Variants in PHTF1 observed in about 807,000 individuals in gnomAD.
PHTF1 encodes putative homeodomain transcription factor 1.
A neutral mutation model predicts 102.4 loss-of-function variants in PHTF1; 88 were observed. That is an observed-to-expected ratio of 0.86 (90% CI 0.72 to 1.03). The LOEUF (loss-of-function observed/expected upper bound fraction) is 1.03, where lower values mean the gene tolerates loss of function less well. Ranked by LOEUF, PHTF1 falls within the 50% of genes least tolerant of loss-of-function variation. The probability of loss-of-function intolerance (pLI) is 0.00; values close to 1 mark genes in which losing one functional copy is unlikely to be tolerated. For missense variants in PHTF1, 814 were observed against 909.5 expected, an observed-to-expected ratio of 0.89 and a Z score of 1.35; for synonymous variants, 289 against 305.2, an observed-to-expected ratio of 0.95 and a Z score of 0.55.
chr1:113,711,862 T>C (rs1408916553), intron 9 of PHTF1, 27 bp from the exon 10 acceptor site: 23 of 1,606,700 alleles, frequency 1.4e-5, no homozygotes, highest in African/African-American at 2.7e-5. Flanking sequence ...CAACAAGCAA[T>C]AGGAAAATAT....
chr1:113,725,332 A>T (rs981227913), intron 6 of PHTF1: 1 of 152,438 alleles, frequency 6.6e-6, no homozygotes, highest in Non-Finnish European at 1.5e-5. Context: ...TATACTATAG[A>T]TATCAATAAG....
At chr1:113,759,496 G>C (rs1659407009), upstream of PHTF1, 5 of 152,408 alleles carry the variant, frequency 3.3e-5, no homozygotes, top group South Asian at 1.0e-3. Flanking sequence ...TGAGATCTGG[G>C]CTAGAGCCGC....
Position 113,704,803 on chromosome 1 carries a change from A to G in PHTF1, c.1672-6T>C. On this transcript the variant is annotated splice_polypyrimidine_tract_variant and splice_region_variant and intron_variant, in intron 13 of 18. Coordinates refer to ENST00000369604, the MANE Select transcript of PHTF1 (RefSeq NM_001323043.2). ...AGTTTTGCAAATAAAAATCTCTAGA[A>G]GAGATTTAAAAAAAATCACAGTGAA... The G allele has an allele frequency of 6.4e-7, 1 of 1,568,156 alleles. No homozygotes were observed. The highest frequency in any genetic ancestry group is 8.7e-7 in the Non-Finnish European group (1 of 1,149,296).
upstream of PHTF1, among the ~76,000 whole-genome samples, chr1:113,759,833 G>T (rs189329660): frequency 6.0e-4 from 92 of 152,354 alleles, no homozygotes; most frequent in Non-Finnish European, 1.6e-4. Flanking sequence ...TGGGCTGTGG[G>T]CTCCATGAGG....
intron 11 of PHTF1, 113 bp from the exon 12 acceptor site, chr1:113,706,835 G>A: frequency 1.8e-6 from 1 of 554,238 alleles, no homozygotes; most frequent in Non-Finnish European, 3.1e-6. Context: ...CTATAATGCT[G>A]GTCCTTTCTT....
At chr1:113,723,251 C>T (rs929013849) in intron 7 of PHTF1, among the ~76,000 whole-genome samples, 1 of 150,930 alleles carries the variant, frequency 6.6e-6, no homozygotes, top group Non-Finnish European at 1.5e-5. Flanking sequence ...GATCCTGACT[C>T]GCTGCAACCT....
intron 7 of PHTF1, chr1:113,713,761 T>TA (rs1409773729): frequency 1.7e-5 from 4 of 237,526 alleles, no homozygotes; most frequent in Non-Finnish European, 3.2e-5. Flanking sequence ...TATCGTCTGT[T>TA]ATTGCCACTC....
At chr1:113,711,020 C>T (rs1324371705) in intron 10 of PHTF1, among the ~76,000 whole-genome samples, 2 of 151,914 alleles carry the variant, frequency 1.3e-5, no homozygotes, top group African/African-American at 4.8e-5. Context: ...GAAGCTACTG[C>T]CATGTTATGG....
At position 113,697,605 on chromosome 1, in the gene PHTF1, G is replaced by A. The variant is rs1648934676; in HGVS notation, c.*100C>T. On this transcript the variant is annotated 3_prime_UTR_variant, in exon 19 of 19. Coordinates refer to ENST00000369604, the MANE Select transcript of PHTF1 (RefSeq NM_001323043.2). ...CAGAGCTGAGAGCACCTGTGCATGT[G>A]AACAAGCAGGTGGGTATCTCACTGG... 1 of 822,720 alleles carries A rather than the reference G, an allele frequency of 1.2e-6. No homozygotes were observed. Among genetic ancestry groups the A allele is most frequent in the African/African-American group, 1.7e-5 (1 of 58,322 alleles). The allele number at this position is 822,720 out of a possible 1,614,324, so 51.0% of individuals were successfully genotyped here.
At chr1:113,743,109 C>A (rs1656676513) in intron 3 of PHTF1, among the ~76,000 whole-genome samples, 1 of 152,154 alleles carries the variant, frequency 6.6e-6, no homozygotes, top group South Asian at 2.1e-4. Context: ...CCACCTCACC[C>A]AGTCTGTTCT....
chr1:113,703,383 T>G lies in PHTF1; in HGVS notation c.1890+698A>C, dbSNP rs561101189. ...TATAAGATAAACCTGTAACTTCTTTTAATGCAGAAAGCACGGAAGTGCTTT... is the reference window on the plus strand; with the variant it reads ...TATAAGATAAACCTGTAACTTCTTTGAATGCAGAAAGCACGGAAGTGCTTT... On this transcript the variant is annotated intron_variant, in intron 15 of 18. Transcript: ENST00000369604. Among the ~76,000 whole-genome samples, 5 of 152,366 alleles carry G rather than the reference T, an allele frequency of 3.3e-5. No homozygotes were observed. In the South Asian group the frequency reaches 6.2e-4, roughly 19 times the overall value.
chr1:113,712,003 T>C lies in PHTF1; in HGVS notation c.894A>G (p.Ser298=), dbSNP rs1651183736. The C allele has an allele frequency of 6.2e-7, 1 of 1,613,978 alleles. No individual in the cohort carries two copies. The highest frequency in any genetic ancestry group is 1.1e-5 in the South Asian group (1 of 91,076). ...ILLRRSVEGA[S]SDNGCEVKNR... The stretch of plus-strand genomic sequence containing the variant: ...TCTTAACTTCACAACCATTGTCACT[T>C]GAGGCCCCTTCCACACTCCTACGCA... The change falls in exon 9 of 19, where the codon TCA becomes TCG. Residue 298 remains serine, a synonymous_variant. Coordinates refer to ENST00000369604, the MANE Select transcript of PHTF1 (RefSeq NM_001323043.2).
intron 3 of PHTF1, among the ~76,000 whole-genome samples, chr1:113,747,471 G>T (rs1213871299): frequency 6.6e-6 from 1 of 152,150 alleles, no homozygotes; most frequent in African/African-American, 2.4e-5. Flanking sequence ...TTCTGGACTG[G>T]TTGTTTTCTA....
At chr1:113,727,034 A>G (rs1653951245) in intron 5 of PHTF1, among the ~76,000 whole-genome samples, 1 of 149,790 alleles carries the variant, frequency 6.7e-6, no homozygotes, top group South Asian at 2.1e-4. Context: ...GAAGAAATAC[A>G]TATATGTGTA....
At chr1:113,730,958 A>G (rs1169092821) in intron 5 of PHTF1, among the ~76,000 whole-genome samples, 1 of 152,228 alleles carries the variant, frequency 6.6e-6, no homozygotes, top group Non-Finnish European at 1.5e-5. Flanking sequence ...ATGTTCCCAG[A>G]GTAGTCAAAA....
At chr1:113,704,022 G>A (rs1649740685) in intron 15 of PHTF1, 59 bp downstream of exon 15, 1 of 1,078,480 alleles carries the variant, frequency 9.3e-7, no homozygotes, top group South Asian at 1.3e-5. Flanking sequence ...GTCTAAAACA[G>A]AAAGTGAACT....
chr1:113,730,414 T>C (rs937842868), intron 5 of PHTF1, among the ~76,000 whole-genome samples: 1 of 152,138 alleles, frequency 6.6e-6, no homozygotes, highest in South Asian at 2.1e-4. Context: ...ATATTCTGAA[T>C]CAGGAACAAA....
chr1:113,727,186 C>T (rs928077998), intron 5 of PHTF1, among the ~76,000 whole-genome samples: 2 of 152,108 alleles, frequency 1.3e-5, no homozygotes, highest in East Asian at 3.8e-4. Context: ...TTGTGCTATA[C>T]AAACTATTCC....
At chr1:113,757,912 G>GT (rs559245270) in intron 2 of PHTF1, among the ~76,000 whole-genome samples, 157 bp from the exon 3 acceptor site, 4 of 152,296 alleles carry the variant, frequency 2.6e-5, no homozygotes, top group African/African-American at 9.6e-5. Context: ...TCGAAGGACT[G>GT]TTTCCTTCAA....
Sources: allele counts gnomAD v4.1 joint callset (sites outside exome capture counted in the v4.1 genomes callset), GRCh38; gene constraint gnomAD v4.1.1; transcripts MANE v1.5; gene names NCBI Gene and HGNC (gene_info 2026-07-23, HGNC 2026-07-21).